The following ING2 variants were observed in gnomAD, a reference collection of about 807,000 sequenced individuals.
The protein encoded by ING2 is inhibitor of growth family member 2.
In ING2, 7 loss-of-function variants were observed where a neutral mutation model predicts 30.6. That is an observed-to-expected ratio of 0.23 (90% CI 0.13 to 0.43). The LOEUF (loss-of-function observed/expected upper bound fraction) is 0.43. Among genes scored for constraint, ING2 ranks in the 20% least tolerant of loss-of-function variants. The probability of loss-of-function intolerance (pLI) is 1.00; values close to 1 mark genes in which losing one functional copy is unlikely to be tolerated. For missense variants in ING2, 239 were observed against 334.9 expected (o/e 0.71, Z 2.24); for synonymous variants, 136 against 121.7 (o/e 1.12, Z -0.78).
At chr4:183,506,332 CAT>C (rs1560969158) in intron 1 of ING2, 4 of 1,299,782 alleles carry the variant, frequency 3.1e-6, no homozygotes, top group Admixed American at 2.3e-5. Context: ...GGTTCCGGGA[CAT>C]GTGTCACTTC....
intron 1 of ING2, chr4:183,506,199 C>T: frequency 7.7e-7 from 1 of 1,302,932 alleles, no homozygotes; most frequent in South Asian, 1.2e-5. Context: ...TTGGTTCGGC[C>T]CCAGCGGAGT....
intron 1 of ING2, among the ~76,000 whole-genome samples, chr4:183,508,526 G>T (rs769033550): frequency 6.6e-6 from 1 of 152,126 alleles, no homozygotes; most frequent in Non-Finnish European, 1.5e-5. Context: ...TGAACTGTGT[G>T]GTGGCACTTT....
chr4:183,507,543 G>C (rs62358470), intron 1 of ING2, among the ~76,000 whole-genome samples: 1 of 152,130 alleles, frequency 6.6e-6, no homozygotes, highest in African/African-American at 2.4e-5. Context: ...TAATAGCTCT[G>C]GTAACATTAG....
chr4:183,511,095 T>C lies in ING2; in HGVS notation c.*143T>C. The C allele has an allele frequency of 1.5e-6, 1 of 669,242 alleles. No homozygotes were observed. The highest frequency in any genetic ancestry group is 3.4e-5 in the Admixed American group (1 of 29,028). The allele number at this position is 669,242 out of a possible 1,614,324, so 41.5% of individuals were successfully genotyped here. On this transcript the variant is annotated 3_prime_UTR_variant, in exon 2 of 2. Coordinates refer to ENST00000302327, the MANE Select transcript of ING2 (RefSeq NM_001564.4). ...TGGTGTATTAAAAGTTGTTGTACTT[T>C]GTCTGTGACCTTAATTTTCTGCACT...
At chr4:183,508,774 G>A (rs1223382438) in intron 1 of ING2, among the ~76,000 whole-genome samples, 1 of 152,152 alleles carries the variant, frequency 6.6e-6, no homozygotes, top group Admixed American at 6.5e-5. Context: ...CTTTGAGATA[G>A]CATTACATCT....
Position 183,512,317 on chromosome 4 carries a change from T to G in ING2, c.*1365T>G, listed in dbSNP as rs1416676613. Reference sequence around the variant, plus strand: ...CATGTCATTTCACCTTGTCTGGGTGTCAGGTCATTCACCTGTAAAATGAGT... The same window carrying G: ...CATGTCATTTCACCTTGTCTGGGTGGCAGGTCATTCACCTGTAAAATGAGT... On this transcript the variant is annotated 3_prime_UTR_variant, in exon 2 of 2. Coordinates refer to ENST00000302327, the MANE Select transcript of ING2 (RefSeq NM_001564.4). Among the ~76,000 whole-genome samples the G allele has an allele frequency of 6.6e-6, 1 of 152,206 alleles. No homozygotes were observed. The highest frequency in any genetic ancestry group is 1.9e-4 in the East Asian group (1 of 5,198).
At chr4:183,509,696 A>C (rs966732408) in intron 1 of ING2, among the ~76,000 whole-genome samples, 7 of 148,734 alleles carry the variant, frequency 4.7e-5, no homozygotes, top group Non-Finnish European at 1.0e-4. Flanking sequence ...CGGCCTCCCA[A>C]AGTGCTGGGA....
Position 183,505,189 on chromosome 4 carries a change from C to T in ING2, c.-7C>T. On this transcript the variant is annotated 5_prime_UTR_variant, in exon 1 of 2. Coordinates refer to ENST00000302327, the MANE Select transcript of ING2 (RefSeq NM_001564.4). ...CGGAGGCGGCGGCGACGGCGCGGAT[C>T]GGCAGGATGTTAGGGCAGCAGCAGC... The T allele has an allele frequency of 1.9e-6, 3 of 1,594,278 alleles. No individual in the cohort carries two copies. The highest frequency in any genetic ancestry group is 2.6e-6 in the Non-Finnish European group (3 of 1,172,406).
rs1015220468 is a variant in ING2 at position 183,505,372 on chromosome 4, G to C, written c.172+5G>C. 1 of 1,529,682 alleles carries C rather than the reference G, an allele frequency of 6.5e-7. No homozygotes were observed. Among genetic ancestry groups the C allele is most frequent in the Non-Finnish European group, 8.8e-7 (1 of 1,136,434 alleles). 94.8% of individuals were successfully genotyped at this position (1,529,682 alleles called of 1,614,324 possible). On this transcript the variant is annotated splice_donor_5th_base_variant and intron_variant, in intron 1 of 1. Transcript: ENST00000302327. ...AGCTGGACAACAAATATCAAGGTAG[G>C]AGCCGCGGGGCTGCCGGCCTCGGGA...
rs557206133 is a variant in ING2, at chr4:183,511,690, G to T, written c.*738G>T. On this transcript the variant is annotated 3_prime_UTR_variant, in exon 2 of 2. Coordinates refer to ENST00000302327, the MANE Select transcript of ING2 (RefSeq NM_001564.4). ...GTTAGCATACCAAAAATATACATTGGCTTACATTGGCAAACTTTGGGTTAT... is the reference window on the plus strand; with the variant it reads ...GTTAGCATACCAAAAATATACATTGTCTTACATTGGCAAACTTTGGGTTAT... Among the ~76,000 whole-genome samples, 12 of 152,252 alleles carry T rather than the reference G, an allele frequency of 7.9e-5. No homozygotes were observed. Among genetic ancestry groups the T allele is most frequent in the South Asian group, 4.1e-4 (2 of 4,826 alleles).
chr4:183,506,031 G>T (rs1734634871), intron 1 of ING2: 1 of 1,038,880 alleles, frequency 9.6e-7, no homozygotes, highest in South Asian at 1.9e-5. Context: ...GGCGTGTGTG[G>T]CGGGGAGGGC....
At chr4:183,505,988 G>C (rs1253811267) in intron 1 of ING2, 3 of 736,998 alleles carry the variant, frequency 4.1e-6, no homozygotes, top group Non-Finnish European at 5.3e-6. Context: ...ATGGTTAAGA[G>C]GGGAGGGGTC....
At chr4:183,507,604 A>G (rs528014117) in intron 1 of ING2, among the ~76,000 whole-genome samples, 1 of 152,328 alleles carries the variant, frequency 6.6e-6, no homozygotes, top group East Asian at 1.9e-4. Flanking sequence ...TCTTAGCTCT[A>G]TGAAGTTTGT....
At chr4:183,510,174 G>A in intron 1 of ING2, 108 bp from the exon 2 acceptor site, 3 of 757,222 alleles carry the variant, frequency 4.0e-6, no homozygotes, top group South Asian at 1.8e-5. Context: ...GAGGAGTATG[G>A]TTTCATGGTT....
rs1173622067 is a variant in ING2, at chr4:183,510,568, C to A, written c.459C>A (p.Arg153=). ...CAGAAAGATCTTCAAGAAGACCCCG[C>A]AGGCAGCGGACCAGTGAAAGCCGTG... ...SQPERSSRRP[R]RQRTSESRDL... Residue 153 remains arginine, a synonymous_variant, in exon 2 of 2, where the codon CGC becomes CGA. Coordinates refer to ENST00000302327, the MANE Select transcript of ING2 (RefSeq NM_001564.4). 6.2e-7 allele frequency: 1 copy of A among 1,613,948 alleles called. No homozygotes were observed.
intron 1 of ING2, among the ~76,000 whole-genome samples, chr4:183,509,032 G>T (rs1734750433): frequency 6.6e-6 from 1 of 152,172 alleles, no homozygotes; most frequent in Non-Finnish European, 1.5e-5. Flanking sequence ...TTTGTTAGTG[G>T]TTTGGTCAGT....
In ING2 at chr4:183,505,269, C is replaced by T; in HGVS notation, c.74C>T (p.Thr25Ile). Residue 25 changes from threonine to isoleucine, a missense_variant, in exon 1 of 2, where the codon ACC (threonine) becomes ATC (isoleucine). Thr to Ile is a moderately conservative substitution (Grantham distance 89, BLOSUM62 -1). This residue lies in a region of ING2 where 80 missense variants were observed against 102.4 expected (regional missense o/e 0.78). Coordinates refer to ENST00000302327, the MANE Select transcript of ING2 (RefSeq NM_001564.4). ...LLTGERSRLL[T>I]CYVQDYLECV... The stretch of plus-strand genomic sequence containing the variant: ...ACCGGGGAGCGGAGCCGGCTGCTCA[C>T]CTGCTACGTGCAGGACTACCTTGAG... The T allele has an allele frequency of 1.3e-6, 2 of 1,589,474 alleles. No individual in the cohort carries two copies. Among genetic ancestry groups the T allele is most frequent in the African/African-American group, 1.4e-5 (1 of 74,070 alleles).
At chr4:183,508,139 C>T (rs1353665841) in intron 1 of ING2, among the ~76,000 whole-genome samples, 4 of 151,842 alleles carry the variant, frequency 2.6e-5, no homozygotes, top group East Asian at 3.9e-4. Flanking sequence ...GAAGTGATGG[C>T]TTCCTCATGG....
rs751867353 is a variant in ING2 at position 183,510,702 on chromosome 4, G to C, written c.593G>C (p.Arg198Thr). The C allele has an allele frequency of 2.0e-5, 33 of 1,614,098 alleles. No homozygotes were observed. The South Asian group carries it at 2.6e-4, about 13-fold the overall frequency. Residue 198 changes from arginine (R) to threonine (T), a missense_variant, in exon 2 of 2, where the codon AGG becomes ACG. Transcript: ENST00000302327. ...AAACGCTCCAAGGCCAAGCAGGAAA[G>C]GGAAGCTTCACCTGTTGAGTTTGCA... Reference protein sequence around the residue: ...KKKRSKAKQEREASPVEFAID... With the variant: ...KKKRSKAKQETEASPVEFAID...
Sources: gnomAD v4.1 joint callset for allele counts (sites outside exome capture counted in the v4.1 genomes callset) on GRCh38, gnomAD v4.1.1 for gene constraint, gnomAD v4.1.1 regional missense constraint, MANE v1.5 for transcripts, NCBI Gene and HGNC (gene_info 2026-07-23, HGNC 2026-07-21) for gene names.